NDP: variants seen among roughly 807,000 people sequenced by gnomAD.
NDP encodes the protein norrin cystine knot growth factor NDP, also known as norrin.
In NDP, 2 loss-of-function variants were observed where a neutral mutation model predicts 8.4. The ratio of observed to expected loss-of-function variants is 0.24; its 90% confidence interval spans 0.10 to 0.75. The LOEUF (loss-of-function observed/expected upper bound fraction) is 0.75, where lower values mean the gene tolerates loss of function less well. Ranked by LOEUF, NDP falls within the 30% of genes least tolerant of loss-of-function variation. The probability of loss-of-function intolerance (pLI) is 0.73; values close to 1 mark genes in which losing one functional copy is unlikely to be tolerated. For missense variants in NDP, 81 were observed against 110.1 expected, an observed-to-expected ratio of 0.74 and a Z score of 1.18; for synonymous variants, 55 against 45.6, an observed-to-expected ratio of 1.21 and a Z score of -0.83.
At chrX:43,953,814 A>G (rs929360669) in intron 2 of NDP, among the ~76,000 whole-genome samples, 1 of 112,896 alleles carries the variant, frequency 8.9e-6, no homozygotes, top group African/African-American at 3.2e-5. Context: ...GCCTCCTGAT[A>G]CCATGTTTTC....
chrX:43,964,947 G>T (rs1311747497), intron 1 of NDP, among the ~76,000 whole-genome samples: 1 of 112,169 alleles, frequency 8.9e-6, no homozygotes, highest in Non-Finnish European at 1.9e-5. Flanking sequence ...AGGAGTTAAT[G>T]ATTGCAAAAA....
In NDP at chrX:43,949,285, A is replaced by G. The variant is rs1250842303; in HGVS notation, c.*514T>C. 7.8e-6 allele frequency: 1 copy of G among 127,611 alleles called. No individual in the cohort carries two copies. Among genetic ancestry groups the G allele is most frequent in the East Asian group, 2.0e-4 (1 of 5,009 alleles). The allele number at this position is 127,611 out of a possible 1,213,427, so 10.5% of individuals were successfully genotyped here. ...TGGCTGTGAGTAAACGTAGCTAAAC[A>G]TATCCACATGCTTGGTATCTGGACT... On this transcript the variant is annotated 3_prime_UTR_variant, in exon 3 of 3. Transcript: ENST00000642620.
chrX:43,963,491 A>G (rs1461047218), intron 1 of NDP, among the ~76,000 whole-genome samples: 2 of 112,480 alleles, frequency 1.8e-5, no homozygotes, highest in Non-Finnish European at 3.8e-5. Flanking sequence ...CTTGATATTT[A>G]TTGTAATTTT....
intron 2 of NDP, among the ~76,000 whole-genome samples, chrX:43,950,458 CA>C (rs11292831): frequency 0.19 from 10,989 of 59,142 alleles, 621 homozygotes; most frequent in East Asian, 0.25. Context: ...AAATGACTAC[CA>C]AAAAAAAAAA....
intron 2 of NDP, among the ~76,000 whole-genome samples, chrX:43,956,633 A>G (rs2035794599): frequency 8.9e-6 from 1 of 112,197 alleles, no homozygotes; most frequent in African/African-American, 3.2e-5. Flanking sequence ...AGATTTTGCC[A>G]GGCATATTTT....
intron 1 of NDP, among the ~76,000 whole-genome samples, chrX:43,963,419 AC>A (rs1226735879): frequency 8.9e-6 from 1 of 111,902 alleles, no homozygotes; most frequent in East Asian, 2.8e-4. Flanking sequence ...TTCTAAGAAG[AC>A]CAAGTTAAGC....
rs1161345984 is a variant in NDP at position 43,948,815 on chromosome X, C to G, written c.*984G>C. 8.9e-6 allele frequency: 1 copy of G among 111,825 alleles called. No individual in the cohort carries two copies. Among genetic ancestry groups the G allele is most frequent in the South Asian group, 3.7e-4 (1 of 2,700 alleles). 9.2% of individuals were successfully genotyped at this position (111,825 alleles called of 1,213,427 possible). A position where few individuals can be genotyped will look rare whatever the true frequency, so the allele number is the denominator to read the frequency against. ...TTTTTATTTCAAAACGTGGGAATAA[C>G]TCAAAATTTGAGCCTCCAGGACCAA... On this transcript the variant is annotated 3_prime_UTR_variant, in exon 3 of 3. Coordinates refer to ENST00000642620, the MANE Select transcript of NDP (RefSeq NM_000266.4).
At chrX:43,950,499 A>G (rs1457927972) in intron 2 of NDP, among the ~76,000 whole-genome samples, 4 of 110,386 alleles carry the variant, frequency 3.6e-5, no homozygotes, top group African/African-American at 1.3e-4. Context: ...TGTGCAGGAA[A>G]TAGCTAAAGA....
chrX:43,950,142 G>C, intron 2 of NDP, 116 bp from the exon 3 acceptor site: 2 of 613,004 alleles, frequency 3.3e-6, no homozygotes, highest in Non-Finnish European at 5.3e-6. Flanking sequence ...GATTAGACCA[G>C]TGGCTCAATG....
In NDP at chrX:43,949,287, A is replaced by G. The variant is rs2035746648; in HGVS notation, c.*512T>C. The G allele has an allele frequency of 7.8e-6, 1 of 127,920 alleles. No individual in the cohort carries two copies. The highest frequency in any genetic ancestry group is 3.2e-5 in the African/African-American group (1 of 31,185). 10.5% of individuals were successfully genotyped at this position (127,920 alleles called of 1,213,427 possible). ...GCTGTGAGTAAACGTAGCTAAACAT[A>G]TCCACATGCTTGGTATCTGGACTTT... On this transcript the variant is annotated 3_prime_UTR_variant, in exon 3 of 3. Coordinates refer to ENST00000642620, the MANE Select transcript of NDP (RefSeq NM_000266.4).
chrX:43,968,608 G>A (rs2035871874), intron 1 of NDP, among the ~76,000 whole-genome samples: 1 of 112,604 alleles, frequency 8.9e-6, no homozygotes, highest in African/African-American at 3.2e-5. Flanking sequence ...CTGGAACATT[G>A]CCACTGGCAG....
At chrX:43,952,432 T>C (rs1458407263) in intron 2 of NDP, among the ~76,000 whole-genome samples, 10 of 112,005 alleles carry the variant, frequency 8.9e-5, no homozygotes, top group Non-Finnish European at 1.9e-5. Context: ...AGTTTCAGTC[T>C]GGGTGGACAA....
chrX:43,950,520 A>G (rs1441230664), intron 2 of NDP, among the ~76,000 whole-genome samples: 1 of 110,090 alleles, frequency 9.1e-6, no homozygotes, highest in Non-Finnish European at 1.9e-5. Context: ...ACAGGAATAT[A>G]GTTTCTGAAT....
intron 1 of NDP, among the ~76,000 whole-genome samples, chrX:43,965,147 G>C (rs751408296): frequency 1.8e-5 from 2 of 112,178 alleles, no homozygotes; most frequent in Admixed American, 1.9e-4. Flanking sequence ...AAGTGCAGCG[G>C]CTCATGCCTG....
chrX:43,968,863 A>G (rs1412589755), intron 1 of NDP, among the ~76,000 whole-genome samples: 1 of 111,960 alleles, frequency 8.9e-6, no homozygotes, highest in African/African-American at 3.3e-5. Context: ...TGTCAGGCTA[A>G]CAGGGAAAGA....
At chrX:43,958,901 C>G (rs762595418) in intron 1 of NDP, 49 bp from the exon 2 acceptor site, 34 of 374,216 alleles carry the variant, frequency 9.1e-5, no homozygotes, top group African/African-American at 6.9e-4. Flanking sequence ...TACCCAGAAC[C>G]ACTAATGGAA....
intron 1 of NDP, among the ~76,000 whole-genome samples, chrX:43,964,956 A>G (rs766182711): frequency 8.9e-6 from 1 of 112,401 alleles, no homozygotes; most frequent in South Asian, 3.7e-4. Flanking sequence ...TGATTGCAAA[A>G]AACTTCTAAG....
intron 2 of NDP, among the ~76,000 whole-genome samples, chrX:43,953,955 C>A (rs940763198): frequency 6.2e-5 from 7 of 112,637 alleles, no homozygotes; most frequent in Non-Finnish European, 1.1e-4. Context: ...TCACCATCCC[C>A]AAGCTTATGC....
chrX:43,958,217 T>C (rs2035806361), intron 2 of NDP, among the ~76,000 whole-genome samples: 1 of 111,835 alleles, frequency 8.9e-6, no homozygotes, highest in Admixed American at 9.5e-5. Context: ...CTACCACTCA[T>C]AAACATCACA....
Sources: gnomAD v4.1 joint callset for allele counts (sites outside exome capture counted in the v4.1 genomes callset) on GRCh38, gnomAD v4.1.1 for gene constraint, MANE v1.5 for transcripts, NCBI Gene and HGNC (gene_info 2026-07-23, HGNC 2026-07-21) for gene names.